The following MRTFB variants were observed in gnomAD, a reference collection of about 807,000 sequenced individuals.
MRTFB encodes myocardin-related transcription factor B.
In MRTFB, 29 loss-of-function variants were observed where a neutral mutation model predicts 104.2. The ratio of observed to expected loss-of-function variants is 0.28; its 90% CI spans 0.21 to 0.38. The LOEUF (loss-of-function observed/expected upper bound fraction) is 0.38, where lower values mean the gene tolerates loss of function less well. Among genes scored for constraint, MRTFB ranks in the 10% least tolerant of loss-of-function variants. The pLI, the probability that MRTFB is intolerant of heterozygous loss-of-function variation, is 1.00. For missense variants in MRTFB, 1,270 were observed against 1,341.6 expected (o/e 0.95, Z 0.83); for synonymous variants, 535 against 519.5 (o/e 1.03, Z -0.41).
intron 2 of MRTFB, among the ~76,000 whole-genome samples, chr16:14,115,292 A>AT (rs1247479612): frequency 2.0e-5 from 3 of 152,124 alleles, no homozygotes; most frequent in Admixed American, 6.5e-5. Flanking sequence ...TGAAATATGT[A>AT]TTTTTTTAGT....
At chr16:14,211,262 TCCACCA>T (rs371631727) in intron 4 of MRTFB, among the ~76,000 whole-genome samples, 2 of 151,980 alleles carry the variant, frequency 1.3e-5, no homozygotes, top group Admixed American at 1.3e-4. Context: ...GCCAGATTTC[TCCACCA>T]CCACCACCAC....
At chr16:14,114,637 C>T (rs780551792) in intron 2 of MRTFB, among the ~76,000 whole-genome samples, 25 of 152,184 alleles carry the variant, frequency 1.6e-4, no homozygotes, top group Non-Finnish European at 2.4e-4. Context: ...CTCTGGTTTG[C>T]TTCAGTTCAG....
intron 2 of MRTFB, among the ~76,000 whole-genome samples, chr16:14,086,085 A>G (rs974408949): frequency 2.6e-5 from 4 of 152,248 alleles, no homozygotes; most frequent in Non-Finnish European, 5.9e-5. Context: ...ATTTTTAATT[A>G]TAATGGAGAT....
intron 3 of MRTFB, among the ~76,000 whole-genome samples, chr16:14,160,583 G>A (rs2038991924): frequency 6.6e-6 from 1 of 151,954 alleles, no homozygotes; most frequent in African/African-American, 2.4e-5. Flanking sequence ...CCTTTCATCT[G>A]TGATTTGAAT....
In MRTFB at chr16:14,234,122, G is replaced by T. The variant is rs577035948; in HGVS notation, c.694-24G>T. The T allele has an allele frequency of 6.8e-6, 11 of 1,606,294 alleles. No individual in the cohort carries two copies. In the Admixed American group the frequency reaches 8.4e-5, roughly 12 times the overall value. On this transcript the variant is annotated intron_variant, in intron 8 of 16. Transcript: ENST00000571589. ...TTATGATCATTAATTTCACAGACTT[G>T]TTCCTTTTTGCCTTTTCCACCAGTT...
chr16:14,261,689 A>G lies in MRTFB; in HGVS notation c.*245A>G. 1 of 440,046 alleles carries G rather than the reference A, an allele frequency of 2.3e-6. No individual in the cohort carries two copies. Among genetic ancestry groups the G allele is most frequent in the Non-Finnish European group, 4.0e-6 (1 of 250,384 alleles). The allele number at this position is 440,046 out of a possible 1,614,324, so 27.3% of individuals were successfully genotyped here. Reference sequence around the variant, plus strand: ...AAATCGCACTTGTCAAAGACGACTCATCTATTTCTCCAGACTTCAGTAAAG... The same window carrying G: ...AAATCGCACTTGTCAAAGACGACTCGTCTATTTCTCCAGACTTCAGTAAAG... On this transcript the variant is annotated 3_prime_UTR_variant, in exon 17 of 17. Coordinates refer to ENST00000571589, the MANE Select transcript of MRTFB (RefSeq NM_001308142.2).
intron 3 of MRTFB, among the ~76,000 whole-genome samples, chr16:14,184,881 G>A (rs1427794008): frequency 1.3e-5 from 2 of 152,190 alleles, no homozygotes; most frequent in African/African-American, 4.8e-5. Flanking sequence ...CTGCTACTTA[G>A]AAGCTTTGTG....
the MRTFB span, among the ~76,000 whole-genome samples, chr16:14,052,900 A>G: frequency 1.3e-5 from 2 of 152,176 alleles, no homozygotes; most frequent in Admixed American, 6.5e-5. Context: ...ACTTCTGGAA[A>G]CCACCATTCT....
At chr16:14,113,094 A>T (rs2036359682) in intron 2 of MRTFB, among the ~76,000 whole-genome samples, 1 of 152,200 alleles carries the variant, frequency 6.6e-6, no homozygotes, top group Admixed American at 6.5e-5. Context: ...CCTAGGCTGG[A>T]GTGCAATGGC....
chr16:14,108,254 C>T (rs1244148455), intron 2 of MRTFB, among the ~76,000 whole-genome samples: 2 of 152,164 alleles, frequency 1.3e-5, no homozygotes, highest in African/African-American at 4.8e-5. Context: ...TTTTGCATGT[C>T]TCTATTGCTC....
intron 2 of MRTFB, among the ~76,000 whole-genome samples, chr16:14,137,963 T>C (rs1267375547): frequency 6.6e-6 from 1 of 152,088 alleles, no homozygotes; most frequent in East Asian, 1.9e-4. Context: ...TAGTTACTCA[T>C]CTTTTCCTTC....
In MRTFB at chr16:14,246,858, T is replaced by C; in HGVS notation, c.1598T>C (p.Met533Thr). The stretch of plus-strand genomic sequence containing the variant: ...ACTTTCACCGAGATTATGACCATGA[T>C]GTCGCCTTCACAGTTCTTGAGTTCA... ...ADTFTEIMTM[M>T]SPSQFLSSSP... is the part of the protein sequence containing the mutation. Residue 533 changes from methionine to threonine, a missense_variant, in exon 12 of 17, where the codon ATG (methionine) becomes ACG (threonine). Transcript: ENST00000571589. 6.2e-7 allele frequency: 1 copy of C among 1,612,860 alleles called. No homozygotes were observed. The highest frequency in any genetic ancestry group is 8.5e-7 in the Non-Finnish European group (1 of 1,179,974).
intron 3 of MRTFB, among the ~76,000 whole-genome samples, chr16:14,145,712 C>T (rs1021730264): frequency 1.3e-5 from 2 of 152,176 alleles, no homozygotes; most frequent in Non-Finnish European, 2.9e-5. Flanking sequence ...TTTACTAAAA[C>T]AATGCATATA....
rs1279056069 is a variant in MRTFB at position 14,071,349 on chromosome 16, C to T, written c.-145C>T. The stretch of plus-strand genomic sequence containing the variant: ...CGCGCGGCGGCGGCGGGAGCGGCGG[C>T]GGCGGCGGCCGGGGAGGTGAGCGGC... On this transcript the variant is annotated 5_prime_UTR_variant, in exon 1 of 17. Coordinates refer to ENST00000571589, the MANE Select transcript of MRTFB (RefSeq NM_001308142.2). 1 of 164,798 alleles carries T rather than the reference C, an allele frequency of 6.1e-6. No individual in the cohort carries two copies. Among genetic ancestry groups the T allele is most frequent in the Non-Finnish European group, 1.3e-5 (1 of 79,862 alleles). The allele number at this position is 164,798 out of a possible 1,614,324, so 10.2% of individuals were successfully genotyped here. A position where few individuals can be genotyped will look rare whatever the true frequency, so the allele number is the denominator to read the frequency against.
Position 14,144,415 on chromosome 16 carries a change from G to C in MRTFB, c.154+3655G>C, listed in dbSNP as rs149959745. ...TTGGCTGTCAGAAATCTAGGTTTTT[G>C]GGGAAATGCTGCTCAAAGGATACAA... On this transcript the variant is annotated intron_variant, in intron 3 of 16. Coordinates refer to ENST00000571589, the MANE Select transcript of MRTFB (RefSeq NM_001308142.2). 1.1e-4 allele frequency: 16 copies of C among 152,148 alleles called. No homozygotes were observed. The East Asian group carries it at 3.1e-3, about 29-fold the overall frequency. The allele number at this position is 152,148 out of a possible 1,614,324, so 9.4% of individuals were successfully genotyped here. A position where few individuals can be genotyped will look rare whatever the true frequency, so the allele number is the denominator to read the frequency against.
chr16:14,234,238 C>A lies in MRTFB; in HGVS notation c.786C>A (p.Pro262=), dbSNP rs780360188. ...PPPRPAAPVL[P]TNTVSSAKPG... is the part of the protein sequence containing the mutation. ...CACGGCCTGCAGCTCCTGTCCTCCCCACAAACACTGTGTCCTCAGCAAAGC... is the reference window on the plus strand; with the variant it reads ...CACGGCCTGCAGCTCCTGTCCTCCCAACAAACACTGTGTCCTCAGCAAAGC... The change falls in exon 9 of 17, where the codon CCC becomes CCA. Residue 262 remains proline (P), a synonymous_variant. Coordinates refer to ENST00000571589, the MANE Select transcript of MRTFB (RefSeq NM_001308142.2). 2 of 1,614,024 alleles carry A rather than the reference C, an allele frequency of 1.2e-6. No individual in the cohort carries two copies. Among genetic ancestry groups the A allele is most frequent in the South Asian group, 2.2e-5 (2 of 91,082 alleles).
At chr16:14,056,903 C>A in the MRTFB span, among the ~76,000 whole-genome samples, 1 of 152,260 alleles carries the variant, frequency 6.6e-6, no homozygotes, top group African/African-American at 2.4e-5. Context: ...ATCCCTCTTT[C>A]CCCTGTTTGT....
chr16:14,134,988 T>C (rs1261370735), intron 2 of MRTFB, among the ~76,000 whole-genome samples: 2 of 152,202 alleles, frequency 1.3e-5, no homozygotes, highest in Non-Finnish European at 2.9e-5. Context: ...ATTCTTCCCA[T>C]CTCTTCTTTT....
intron 9 of MRTFB, among the ~76,000 whole-genome samples, chr16:14,234,892 CT>C (rs2042426077): frequency 6.6e-6 from 1 of 152,158 alleles, no homozygotes. Flanking sequence ...CAGATTTAAA[CT>C]TTTTAGAATT....
Sources: allele counts gnomAD v4.1 joint callset (sites outside exome capture counted in the v4.1 genomes callset), GRCh38; gene constraint gnomAD v4.1.1; transcripts MANE v1.5; gene names NCBI Gene and HGNC (gene_info 2026-07-23, HGNC 2026-07-21).